The following GRSF1 variants were observed in gnomAD, a reference collection of about 807,000 sequenced individuals.
The protein encoded by GRSF1 is G-rich RNA sequence binding factor 1.
In GRSF1, 50 loss-of-function variants were observed where a neutral mutation model predicts 51.1. The ratio of observed to expected loss-of-function variants is 0.98; its 90% confidence interval spans 0.78 to 1.24. The LOEUF (loss-of-function observed/expected upper bound fraction) is 1.24, where lower values mean the gene tolerates loss of function less well. Among genes scored for constraint, GRSF1 ranks in the 50% most tolerant of loss-of-function variants. The probability of loss-of-function intolerance (pLI) is 0.00; values close to 1 mark genes in which losing one functional copy is unlikely to be tolerated. For missense variants in GRSF1, 700 were observed against 639.7 expected (o/e 1.09, Z -1.02); for synonymous variants, 293 against 253.3 (o/e 1.16, Z -1.49).
Position 70,826,115 on chromosome 4 carries a change from G to T in GRSF1, c.1257+9C>A. The T allele has an allele frequency of 6.2e-7, 1 of 1,605,242 alleles. No homozygotes were observed. Among genetic ancestry groups the T allele is most frequent in the Non-Finnish European group, 8.5e-7 (1 of 1,175,126 alleles). On this transcript the variant is annotated intron_variant, in intron 7 of 9. Coordinates refer to ENST00000254799, the MANE Select transcript of GRSF1 (RefSeq NM_002092.4). Reference sequence around the variant, plus strand: ...ATCTATTGAGATTGGATATCTTACTGCCACACACGTTTATAATGTCTTGGG... The same window carrying T: ...ATCTATTGAGATTGGATATCTTACTTCCACACACGTTTATAATGTCTTGGG...
chr4:70,837,419 C>G (rs998369586), intron 1 of GRSF1, among the ~76,000 whole-genome samples: 4 of 151,790 alleles, frequency 2.6e-5, no homozygotes, highest in African/African-American at 9.7e-5. Context: ...AAAAAATGAG[C>G]CGGGTGTGGT....
intron 8 of GRSF1, among the ~76,000 whole-genome samples, chr4:70,824,930 T>C (rs1733673179): frequency 6.6e-6 from 1 of 152,022 alleles, no homozygotes; most frequent in Admixed American, 6.6e-5. Flanking sequence ...TGGCGAAACC[T>C]GTGTCTACTA....
At chr4:70,832,972 C>G (rs1734046999) in intron 3 of GRSF1, 146 bp downstream of exon 3, 2 of 717,472 alleles carry the variant, frequency 2.8e-6, no homozygotes, top group South Asian at 2.4e-5. Context: ...GAAACTTTAT[C>G]TCTTTATGTT....
intron 9 of GRSF1, among the ~76,000 whole-genome samples, chr4:70,822,351 G>C (rs1265004829): frequency 6.6e-6 from 1 of 152,144 alleles, no homozygotes; most frequent in African/African-American, 2.4e-5. Flanking sequence ...GGGAGGCTGA[G>C]GCTAGCGGAT....
chr4:70,837,563 C>CAAAAAAAA (rs11419852), intron 1 of GRSF1, among the ~76,000 whole-genome samples: 1 of 89,108 alleles, frequency 1.1e-5, no homozygotes, highest in Non-Finnish European at 2.0e-5. Flanking sequence ...GACTCCGTCT[C>CAAAAAAAA]AAAAAAAAAA....
intron 1 of GRSF1, among the ~76,000 whole-genome samples, chr4:70,838,375 T>C (rs2148848433): frequency 1.3e-5 from 2 of 152,260 alleles, no homozygotes; most frequent in Middle Eastern, 6.8e-3. Flanking sequence ...GGAGATGGTT[T>C]TGTTGTGGTT....
upstream of GRSF1, chr4:70,839,995 T>TCCG: frequency 1.8e-6 from 1 of 567,280 alleles, no homozygotes. Context: ...AGCGCGACGC[T>TCCG]CCGCCCAGTC....
At chr4:70,830,108 T>G (rs1203881203) in intron 5 of GRSF1, among the ~76,000 whole-genome samples, 1 of 151,946 alleles carries the variant, frequency 6.6e-6, no homozygotes. Context: ...GGGGGAAGAA[T>G]AAGTAAGGGG....
rs1303970096 is a variant in GRSF1, at chr4:70,826,147, C to T, written c.1234G>A (p.Ala412Thr). 9.3e-6 allele frequency: 15 copies of T among 1,611,780 alleles called. No homozygotes were observed. Among genetic ancestry groups the T allele is most frequent in the Non-Finnish European group, 1.3e-5 (15 of 1,178,590 alleles). The change falls in exon 7 of 10, where the codon GCC (alanine) becomes ACC (threonine). Residue 412 changes from alanine (A) to threonine (T), a missense_variant. Ala to Thr is a moderately conservative substitution (Grantham distance 58). Coordinates refer to ENST00000254799, the MANE Select transcript of GRSF1 (RefSeq NM_002092.4). ...ACGTTTATAATGTCTTGGGCATTGG[C>T]TTGGAAAGGTAATCCTCTCATGTGG... is the stretch of plus-strand genomic sequence containing the variant. ...FVHMRGLPFQ[A>T]NAQDIINFFA...
Position 70,832,374 on chromosome 4 carries a change from A to G in GRSF1, c.747T>C (p.Asp249=), listed in dbSNP as rs2306150. The G allele has an allele frequency of 1.1e-4, 180 of 1,611,912 alleles. 1 individual carries two copies. The East Asian group carries it at 2.7e-3, about 25-fold the overall frequency. ...GAAGTCCTCTCAAACGAACCACACC[A>G]TCATTTACCACAGGCGAAGATTTGA... ...LQVKSSPVVN[D]GVVRLRGLPY... is the part of the protein sequence containing the mutation. Residue 249 remains aspartate (D), a synonymous_variant, in exon 4 of 10, where the codon GAT becomes GAC. Transcript: ENST00000254799.
intron 5 of GRSF1, among the ~76,000 whole-genome samples, chr4:70,828,648 A>G (rs1186498757): frequency 6.6e-6 from 1 of 151,928 alleles, no homozygotes; most frequent in East Asian, 1.9e-4. Context: ...GGCTCACTGC[A>G]GCCTCAACCT....
intron 7 of GRSF1, 74 bp downstream of exon 7, chr4:70,826,050 C>T: frequency 1.6e-6 from 2 of 1,285,926 alleles, no homozygotes; most frequent in Non-Finnish European, 2.2e-6. Flanking sequence ...CTCTACCTTC[C>T]CCAAATTAAT....
chr4:70,820,249 G>A lies in GRSF1; in HGVS notation c.*638C>T, dbSNP rs530761249. On this transcript the variant is annotated 3_prime_UTR_variant, in exon 10 of 10. Coordinates refer to ENST00000254799, the MANE Select transcript of GRSF1 (RefSeq NM_002092.4). ...TTATACGCCTTTAGCACAAGGCTTA[G>A]AAAGGCAAAACATTTCTAAAGACAT... The A allele has an allele frequency of 1.8e-3, 277 of 152,698 alleles. No homozygotes were observed. Among genetic ancestry groups the A allele is most frequent in the Non-Finnish European group, 2.7e-3 (187 of 68,020 alleles). The allele number at this position is 152,698 out of a possible 1,614,324, so 9.5% of individuals were successfully genotyped here.
At position 70,831,539 on chromosome 4, in the gene GRSF1, C is replaced by A; in HGVS notation, c.950G>T (p.Arg317Leu). 1 of 1,612,870 alleles carries A rather than the reference C, an allele frequency of 6.2e-7. No individual in the cohort carries two copies. The highest frequency in any genetic ancestry group is 2.2e-5 in the East Asian group (1 of 44,858). ...CATCATTAGTATCTGCTTTACTCAC[C>A]GATTACCAATTTCTTCCCTGTGTTT... ...LLKHREEIGN[R>L]YIEIFPSRRN... The change falls in exon 5 of 10, where the codon CGA becomes CTA. Residue 317 changes from arginine to leucine, a missense_variant and splice_region_variant. Arg to Leu is a moderately radical substitution (Grantham distance 102). Coordinates refer to ENST00000254799, the MANE Select transcript of GRSF1 (RefSeq NM_002092.4).
chr4:70,839,224 T>C, intron 1 of GRSF1: 1 of 1,448,348 alleles, frequency 6.9e-7, no homozygotes, highest in East Asian at 3.1e-5. Flanking sequence ...CCAGCCACAC[T>C]TACACTGCCC....
chr4:70,839,009 T>C, intron 1 of GRSF1: 1 of 566,742 alleles, frequency 1.8e-6, no homozygotes. Context: ...TGCGCGCACC[T>C]TCCCAGCAGC....
chr4:70,821,302 G>C (rs1248648435), intron 9 of GRSF1, among the ~76,000 whole-genome samples: 3 of 152,210 alleles, frequency 2.0e-5, no homozygotes, highest in African/African-American at 7.2e-5. Context: ...GCGCATGCCT[G>C]TAATCCCAGC....
chr4:70,839,167 C>T (rs539757889), intron 1 of GRSF1: 18 of 1,353,472 alleles, frequency 1.3e-5, no homozygotes, highest in Non-Finnish European at 1.7e-5. Context: ...AGCAGCCTCA[C>T]GAAACCTACC....
At chr4:70,840,018 C>T (rs564059191), upstream of GRSF1, 7 of 518,950 alleles carry the variant, frequency 1.3e-5, no homozygotes, top group African/African-American at 1.2e-4. Context: ...CGCCCTTGGG[C>T]GGGGCTGCCC....
Sources: allele counts gnomAD v4.1 joint callset (sites outside exome capture counted in the v4.1 genomes callset), GRCh38; gene constraint gnomAD v4.1.1; transcripts MANE v1.5; gene names NCBI Gene and HGNC (gene_info 2026-07-23, HGNC 2026-07-21).